AIDA: variants seen among roughly 807,000 people sequenced by gnomAD.
The protein encoded by AIDA is axin interactor, dorsalization-associated protein.
A neutral mutation model predicts 42.7 loss-of-function variants in AIDA; 18 were observed. The observed-to-expected ratio is 0.42, with a 90% confidence interval of 0.29 to 0.63. The LOEUF is 0.63. AIDA is among the 20% of genes least tolerant of loss of function. The pLI is 0.19. For synonymous variants in AIDA, 104 were observed against 122.9 expected, an observed-to-expected ratio of 0.85 and a Z score of 1.02; for missense variants, 250 against 354.1, an observed-to-expected ratio of 0.71 and a Z score of 2.36.
chr1:222,702,256 A>G (rs922277232), intron 2 of AIDA, among the ~76,000 whole-genome samples: 9 of 152,214 alleles, frequency 5.9e-5, no homozygotes, highest in African/African-American at 2.2e-4. Context: ...GGCTTACCAT[A>G]AAAGTGTGGA....
chr1:222,702,246 G>C (rs1571940963), intron 2 of AIDA, among the ~76,000 whole-genome samples: 1 of 152,078 alleles, frequency 6.6e-6, no homozygotes, highest in Admixed American at 6.6e-5. Flanking sequence ...GATGTTGTTA[G>C]GCTTACCATA....
rs1346262222 is a variant in AIDA at position 222,669,158 on chromosome 1, AATC to A, written c.*732_*734del. The A allele has an allele frequency of 4.1e-5, 6 of 146,542 alleles. No individual in the cohort carries two copies. The East Asian group carries it at 8.0e-4, about 19-fold the overall frequency. 9.1% of individuals were successfully genotyped at this position (146,542 alleles called of 1,614,324 possible). A position where few individuals can be genotyped will look rare whatever the true frequency, so the allele number is the denominator to read the frequency against. On this transcript the variant is annotated 3_prime_UTR_variant, in exon 10 of 10. Coordinates refer to ENST00000340020, the MANE Select transcript of AIDA (RefSeq NM_022831.4). ...GAGATGGTTCCAATGTTAACCCTAG[AATC>A]ATCATCAGAAAGAGTAACAATGTGA...
intron 6 of AIDA, 26 bp from the exon 7 acceptor site, chr1:222,676,244 A>G (rs1407751483): frequency 3.7e-6 from 6 of 1,600,518 alleles, no homozygotes; most frequent in Non-Finnish European, 5.1e-6. Flanking sequence ...AAGCAATAAA[A>G]GCTCCATATC....
At chr1:222,688,560 A>C (rs1269641086) in intron 4 of AIDA, among the ~76,000 whole-genome samples, 1 of 151,950 alleles carries the variant, frequency 6.6e-6, no homozygotes, top group African/African-American at 2.4e-5. Context: ...ATTTTTTGTC[A>C]TTATTTTAGA....
At chr1:222,699,195 T>G (rs1046333372) in intron 2 of AIDA, among the ~76,000 whole-genome samples, 2 of 152,160 alleles carry the variant, frequency 1.3e-5, no homozygotes, top group African/African-American at 4.8e-5. Context: ...TTGGCATAAT[T>G]CTAAGATTTG....
rs1664413226 is a variant in AIDA, at chr1:222,669,855, G to T, written c.*38C>A. The T allele has an allele frequency of 6.3e-7, 1 of 1,586,392 alleles. No individual in the cohort carries two copies. Among genetic ancestry groups the T allele is most frequent in the Admixed American group, 1.7e-5 (1 of 59,018 alleles). On this transcript the variant is annotated 3_prime_UTR_variant, in exon 10 of 10. Coordinates refer to ENST00000340020, the MANE Select transcript of AIDA (RefSeq NM_022831.4). ...GAGCTATGATGGTTTCTACTGAGTG[G>T]TAAAATTCACAGAAGTTCCAGGTTC...
intron 6 of AIDA, among the ~76,000 whole-genome samples, chr1:222,678,816 C>T (rs1664601854): frequency 6.6e-6 from 1 of 152,190 alleles, no homozygotes; most frequent in East Asian, 1.9e-4. Flanking sequence ...AACTCCTACA[C>T]TCCCTTTGAG....
Position 222,694,261 on chromosome 1 carries a change from T to C in AIDA, c.183A>G (p.Lys61=). Residue 61 remains lysine (K), a splice_region_variant and synonymous_variant, in exon 3 of 10, where the codon AAA becomes AAG. Transcript: ENST00000340020. ...NNSEFTEEQK[K]TIGKIATCLE... ...AGCATGTTGCAATTTTGCCTATGGT[T>C]TTCTGCAGGGGAATAAAAAAAGCTA... 1 of 1,611,582 alleles carries C rather than the reference T, an allele frequency of 6.2e-7. No homozygotes were observed. Among genetic ancestry groups the C allele is most frequent in the Non-Finnish European group, 8.5e-7 (1 of 1,179,022 alleles).
chr1:222,670,371 T>A, intron 8 of AIDA, 121 bp from the exon 9 acceptor site: 1 of 749,810 alleles, frequency 1.3e-6, no homozygotes, highest in Non-Finnish European at 2.2e-6. Context: ...ACAAAACAAC[T>A]TGTGCCAGTC....
chr1:222,676,528 A>G (rs1664546827), intron 6 of AIDA, among the ~76,000 whole-genome samples: 2 of 152,176 alleles, frequency 1.3e-5, no homozygotes, highest in Admixed American at 6.5e-5. Flanking sequence ...ACATACATAC[A>G]CTTTGTATAT....
Position 222,703,232 on chromosome 1 carries a change from C to T in AIDA, c.111-15G>A. The T allele has an allele frequency of 6.3e-7, 1 of 1,590,950 alleles. No individual in the cohort carries two copies. The highest frequency in any genetic ancestry group is 8.6e-7 in the Non-Finnish European group (1 of 1,168,070). ...GTCTTGCTAATCTGTAAGAAGAAAA[C>T]ATATTCTTTAGAATGGAAGAAAAGC... On this transcript the variant is annotated splice_polypyrimidine_tract_variant and intron_variant, in intron 1 of 9. Transcript: ENST00000340020.
intron 1 of AIDA, among the ~76,000 whole-genome samples, chr1:222,707,940 C>G (rs1409156384): frequency 1.3e-5 from 2 of 152,172 alleles, no homozygotes; most frequent in African/African-American, 4.8e-5. Flanking sequence ...TCTTACTGCA[C>G]AGCAGTAACA....
At chr1:222,683,056 C>T (rs1664681020) in intron 6 of AIDA, among the ~76,000 whole-genome samples, 2 of 152,120 alleles carry the variant, frequency 1.3e-5, no homozygotes, top group Admixed American at 6.5e-5. Flanking sequence ...ATGGGTTCCT[C>T]AAGCTTTTAA....
intron 4 of AIDA, among the ~76,000 whole-genome samples, chr1:222,689,481 G>GTGTGTGTGTA (rs1253190601): frequency 5.7e-5 from 2 of 35,366 alleles, no homozygotes; most frequent in Admixed American, 5.3e-4. Flanking sequence ...GTGTGTGTGT[G>GTGTGTGTGTA]TATATATATA....
In AIDA at chr1:222,712,475, G is replaced by A. The variant is rs530092869; in HGVS notation, c.-158C>T. The A allele has an allele frequency of 2.1e-6, 3 of 1,417,970 alleles. No individual in the cohort carries two copies. Among genetic ancestry groups the A allele is most frequent in the Non-Finnish European group, 2.8e-6 (3 of 1,089,314 alleles). 87.8% of individuals were successfully genotyped at this position (1,417,970 alleles called of 1,614,324 possible). On this transcript the variant is annotated 5_prime_UTR_variant, in exon 1 of 10. Transcript: ENST00000340020. ...GAGGAGCCGCCCAAGCCCATTTGCC[G>A]CCACAGCCAAACTTTGCGGCTCCAA...
At chr1:222,682,864 G>A (rs1278762278) in intron 6 of AIDA, among the ~76,000 whole-genome samples, 1 of 152,194 alleles carries the variant, frequency 6.6e-6, no homozygotes, top group Non-Finnish European at 1.5e-5. Context: ...CACATGAAAT[G>A]TGTCTTGAAA....
intron 4 of AIDA, 65 bp downstream of exon 4, chr1:222,693,724 C>G (rs1655437583): frequency 3.8e-6 from 5 of 1,300,098 alleles, no homozygotes; most frequent in Non-Finnish European, 2.2e-6. Flanking sequence ...GTTAAATAGC[C>G]TTAACATCTA....
At position 222,694,241 on chromosome 1, in the gene AIDA, G is replaced by A; in HGVS notation, c.203C>T (p.Thr68Ile). The A allele has an allele frequency of 1.2e-6, 2 of 1,611,814 alleles. No individual in the cohort carries two copies. Among genetic ancestry groups the A allele is most frequent in the Non-Finnish European group, 1.7e-6 (2 of 1,179,182 alleles). ...EQKKTIGKIA[T>I]CLELRSAALQ... ...AGCTGCACTTCGCAATTCCAAGCAT[G>A]TTGCAATTTTGCCTATGGTTTTCTG... The change falls in exon 3 of 10, where the codon ACA becomes ATA. Residue 68 changes from threonine (T) to isoleucine (I), a missense_variant. Coordinates refer to ENST00000340020, the MANE Select transcript of AIDA (RefSeq NM_022831.4).
intron 2 of AIDA, among the ~76,000 whole-genome samples, chr1:222,694,722 T>C (rs1655467205): frequency 6.6e-6 from 1 of 152,230 alleles, no homozygotes; most frequent in South Asian, 2.1e-4. Context: ...CTGGTATTTG[T>C]GATAAACGGT....
Sources: gnomAD v4.1 joint callset for allele counts (sites outside exome capture counted in the v4.1 genomes callset) on GRCh38, gnomAD v4.1.1 for gene constraint, MANE v1.5 for transcripts, NCBI Gene and HGNC (gene_info 2026-07-23, HGNC 2026-07-21) for gene names.